GRID2: variants seen among roughly 807,000 people sequenced by gnomAD.
GRID2 encodes the protein glutamate ionotropic receptor delta type subunit 2, also known as glutamate receptor ionotropic, delta-2.
GRID2 carries 33 observed loss-of-function variants against 114.8 expected under a neutral mutation model. The ratio of observed to expected loss-of-function variants is 0.29; its 90% CI spans 0.22 to 0.38. The LOEUF is 0.38. Among genes scored for constraint, GRID2 ranks in the 10% least tolerant of loss-of-function variants. The pLI is 1.00. For missense variants in GRID2, 1,184 were observed against 1,257.7 expected (o/e 0.94, Z 0.89); for synonymous variants, 505 against 449.9 (o/e 1.12, Z -1.55).
At chr4:92,428,408 C>G (rs753143924) in intron 1 of GRID2, among the ~76,000 whole-genome samples, 37 of 152,014 alleles carry the variant, frequency 2.4e-4, no homozygotes, top group Admixed American at 9.2e-4. Flanking sequence ...CTCTTAACTT[C>G]TGATATTTCC....
intron 2 of GRID2, among the ~76,000 whole-genome samples, chr4:92,930,320 T>C (rs1750130184): frequency 1.3e-5 from 2 of 151,276 alleles, no homozygotes; most frequent in African/African-American, 4.8e-5. Flanking sequence ...TAATTCAACG[T>C]TTTCATCTTC....
At chr4:93,594,927 G>A (rs58148898) in intron 13 of GRID2, among the ~76,000 whole-genome samples, 4,843 of 151,968 alleles carry the variant, frequency 0.032, 242 homozygotes, top group African/African-American at 0.11. Context: ...CACGGTGCAC[G>A]CACCCACTGA....
At chr4:93,219,799 C>T (rs1744665593) in intron 6 of GRID2, among the ~76,000 whole-genome samples, 1 of 152,118 alleles carries the variant, frequency 6.6e-6, no homozygotes, top group South Asian at 2.1e-4. Flanking sequence ...GGAGAGAAAA[C>T]AGAAACATTC....
At chr4:93,800,340 A>G (rs548866903) in intron 1 of GRID2, among the ~76,000 whole-genome samples, 3 of 152,348 alleles carry the variant, frequency 2.0e-5, no homozygotes, top group East Asian at 1.9e-4. Context: ...CTTTCTGGGC[A>G]GCCACTGCCA....
intron 2 of GRID2, among the ~76,000 whole-genome samples, chr4:92,859,449 C>T (rs1261492849): frequency 6.6e-6 from 1 of 152,044 alleles, no homozygotes; most frequent in African/African-American, 2.4e-5. Flanking sequence ...GGAATTCAAT[C>T]CAGAATATCT....
intron 13 of GRID2, among the ~76,000 whole-genome samples, chr4:93,517,887 C>CATAT (rs769343019): frequency 2.1e-5 from 3 of 146,280 alleles, no homozygotes; most frequent in East Asian, 2.0e-4. Context: ...GGCAAGAATC[C>CATAT]ATATATATAT....
At chr4:93,352,681 T>G (rs1021798029) in intron 8 of GRID2, among the ~76,000 whole-genome samples, 12 of 152,048 alleles carry the variant, frequency 7.9e-5, no homozygotes, top group African/African-American at 2.2e-4. Flanking sequence ...TGCATTCAAT[T>G]TCATTCTAGA....
intron 14 of GRID2, among the ~76,000 whole-genome samples, chr4:93,634,512 C>T (rs1721240257): frequency 6.6e-6 from 1 of 152,122 alleles, no homozygotes; most frequent in African/African-American, 2.4e-5. Flanking sequence ...CTGTGCATTG[C>T]ATTTCATAAA....
At chr4:93,565,869 G>T (rs188011703) in intron 13 of GRID2, among the ~76,000 whole-genome samples, 1 of 152,040 alleles carries the variant, frequency 6.6e-6, no homozygotes, top group Admixed American at 6.6e-5. Flanking sequence ...ACACAATCAC[G>T]CACATGCACA....
At chr4:93,405,001 A>G (rs116162973) in intron 9 of GRID2, among the ~76,000 whole-genome samples, 1,885 of 152,224 alleles carry the variant, frequency 0.012, 43 homozygotes, top group African/African-American at 0.043. Context: ...CTCTGTGACT[A>G]TGAAGGTAAT....
chr4:93,681,589 T>C (rs757284824), intron 14 of GRID2, among the ~76,000 whole-genome samples: 3 of 152,076 alleles, frequency 2.0e-5, no homozygotes, highest in South Asian at 2.1e-4. Flanking sequence ...GAGATATAGA[T>C]CAATGGAACA....
At chr4:92,495,346 A>G (rs1723335684) in intron 1 of GRID2, among the ~76,000 whole-genome samples, 1 of 151,994 alleles carries the variant, frequency 6.6e-6, no homozygotes, top group Non-Finnish European at 1.5e-5. Flanking sequence ...AATACTCAAC[A>G]TACACAATAG....
At chr4:93,140,208 G>T (rs1447517193) in intron 4 of GRID2, among the ~76,000 whole-genome samples, 2 of 135,314 alleles carry the variant, frequency 1.5e-5, no homozygotes, top group Non-Finnish European at 3.0e-5. Flanking sequence ...ACCCAGGCTC[G>T]AGTGCAGTGG....
At chr4:92,971,126 G>A (rs1453008705) in intron 2 of GRID2, among the ~76,000 whole-genome samples, 2 of 151,920 alleles carry the variant, frequency 1.3e-5, no homozygotes, top group Non-Finnish European at 2.9e-5. Flanking sequence ...ATGAGCCACT[G>A]TGCCCAGATC....
At chr4:93,307,077 T>A (rs1263278469) in intron 8 of GRID2, among the ~76,000 whole-genome samples, 1 of 151,980 alleles carries the variant, frequency 6.6e-6, no homozygotes, top group Non-Finnish European at 1.5e-5. Flanking sequence ...GTGCCTGTAA[T>A]CCCAGCTACT....
At chr4:93,659,768 TA>T (rs1405015113) in intron 14 of GRID2, among the ~76,000 whole-genome samples, 15 of 152,176 alleles carry the variant, frequency 9.9e-5, no homozygotes, top group Non-Finnish European at 1.5e-5. Flanking sequence ...TTTTAAATAT[TA>T]AATTAAGCTT....
chr4:93,502,010 A>G (rs1728159924), intron 12 of GRID2, among the ~76,000 whole-genome samples: 1 of 151,712 alleles, frequency 6.6e-6, no homozygotes, highest in Non-Finnish European at 1.5e-5. Flanking sequence ...ACAAACTTAT[A>G]GATATGGTTA....
intron 1 of GRID2, among the ~76,000 whole-genome samples, chr4:92,353,701 G>A (rs926002069): frequency 6.6e-6 from 1 of 151,990 alleles, no homozygotes; most frequent in Non-Finnish European, 1.5e-5. Flanking sequence ...GATTGGCTGT[G>A]TGTGGGGCCC....
intron 14 of GRID2, among the ~76,000 whole-genome samples, chr4:93,707,223 A>C (rs555916112): frequency 6.6e-6 from 1 of 152,174 alleles, no homozygotes; most frequent in South Asian, 2.1e-4. Context: ...TCATAGAATA[A>C]GTTGGGATGT....
Sources: allele counts gnomAD v4.1 joint callset (sites outside exome capture counted in the v4.1 genomes callset), GRCh38; gene constraint gnomAD v4.1.1; transcripts MANE v1.5; gene names NCBI Gene and HGNC (gene_info 2026-07-23, HGNC 2026-07-21).